HMCN1: variants seen among roughly 807,000 people sequenced by gnomAD.
The protein encoded by HMCN1 is hemicentin-1.
In HMCN1, 321 loss-of-function variants were observed where a neutral mutation model predicts 625.9. That is an observed-to-expected ratio of 0.51 (90% confidence interval 0.47 to 0.56). The LOEUF (loss-of-function observed/expected upper bound fraction) is 0.56. Among genes scored for constraint, HMCN1 ranks in the 20% least tolerant of loss-of-function variants. The pLI, the probability that HMCN1 is intolerant of heterozygous loss-of-function variation, is 0.00. For missense variants in HMCN1, 6,588 were observed against 6,887.3 expected (o/e 0.96, Z 1.54); for synonymous variants, 2,425 against 2,417.6 (o/e 1.00, Z -0.09).
At chr1:186,040,960 C>G in intron 39 of HMCN1, 53 bp from the exon 40 acceptor site, 1 of 1,593,512 alleles carries the variant, frequency 6.3e-7, no homozygotes, top group Non-Finnish European at 8.6e-7. Flanking sequence ...AAATCTATTA[C>G]ACCTACCATT....
chr1:185,970,871 G>C (rs1650769121), intron 15 of HMCN1, among the ~76,000 whole-genome samples: 1 of 151,948 alleles, frequency 6.6e-6, no homozygotes, highest in Admixed American at 6.6e-5. Flanking sequence ...TGTTGGCCAG[G>C]CTGGTCTTGA....
rs144565377 is a variant in HMCN1, at chr1:185,917,163, A to G, written c.901-5216A>G. Among the ~76,000 whole-genome samples the G allele has an allele frequency of 2.7e-4, 41 of 152,304 alleles. 2 individuals are homozygous for G. Among genetic ancestry groups the G allele is most frequent in the African/African-American group, 9.6e-4 (40 of 41,564 alleles). On this transcript the variant is annotated intron_variant, in intron 6 of 106. Coordinates refer to ENST00000271588, the MANE Select transcript of HMCN1 (RefSeq NM_031935.3). ...GGAATATTTACACCACAGAAATTGA[A>G]AAATGCCAAAAATTAGGGTTTTTTT...
At position 186,182,292 on chromosome 1, in the gene HMCN1, G is replaced by C; in HGVS notation, c.16414+5G>C. 2 of 1,613,178 alleles carry C rather than the reference G, an allele frequency of 1.2e-6. No homozygotes were observed. The highest frequency in any genetic ancestry group is 1.7e-6 in the Non-Finnish European group (2 of 1,179,314). ...ACAATGGAAAGACATGCCAAGGTGA[G>C]AAAACATTGGGATGTTTATTGTTGC... On this transcript the variant is annotated splice_donor_5th_base_variant and intron_variant, in intron 105 of 106. Transcript: ENST00000271588.
At chr1:186,041,815 G>A (rs1261630259) in intron 40 of HMCN1, among the ~76,000 whole-genome samples, 2 of 152,032 alleles carry the variant, frequency 1.3e-5, no homozygotes, top group Non-Finnish European at 2.9e-5. Context: ...TTAGTTCTTG[G>A]AATAATTAAA....
chr1:185,926,186 A>T (rs1438673756), intron 9 of HMCN1, among the ~76,000 whole-genome samples: 1 of 152,232 alleles, frequency 6.6e-6, no homozygotes, highest in Non-Finnish European at 1.5e-5. Flanking sequence ...TTATTGTTTT[A>T]TCAGACTTTT....
chr1:185,790,384 C>T (rs1657907904), intron 1 of HMCN1, among the ~76,000 whole-genome samples: 1 of 152,170 alleles, frequency 6.6e-6, no homozygotes, highest in South Asian at 2.1e-4. Flanking sequence ...TGTGATGCTA[C>T]CACTGCTCTG....
rs780702480 is a variant in HMCN1, at chr1:186,088,175, A to C, written c.9476A>C (p.Glu3159Ala). 1.7e-5 allele frequency: 28 copies of C among 1,611,574 alleles called. No homozygotes were observed. The highest frequency in any genetic ancestry group is 2.4e-5 in the Non-Finnish European group (28 of 1,178,668). Residue 3159 changes from glutamate (E) to alanine (A), a missense_variant, in exon 62 of 107, where the codon GAA becomes GCA. Glu to Ala is a moderately radical substitution (Grantham distance 107). Coordinates refer to ENST00000271588, the MANE Select transcript of HMCN1 (RefSeq NM_031935.3). ...CCCAGTATTGAAGGACCTGAAAGAG[A>C]AGTGATTGTGGAGACGATCAGCAAT... ...VPPSIEGPER[E>A]VIVETISNPV... is the part of the protein sequence containing the mutation.
chr1:185,851,784 A>G (rs2102330070), intron 2 of HMCN1, among the ~76,000 whole-genome samples: 1 of 152,090 alleles, frequency 6.6e-6, no homozygotes, highest in South Asian at 2.1e-4. Context: ...TATTAGTCAA[A>G]CATTCAAAGT....
At chr1:185,908,409 G>T (rs537251911) in intron 4 of HMCN1, among the ~76,000 whole-genome samples, 1 of 151,980 alleles carries the variant, frequency 6.6e-6, no homozygotes, top group African/African-American at 2.4e-5. Flanking sequence ...CATTACAAAA[G>T]AAAATTTTCA....
At chr1:186,084,594 C>T (rs950431911) in intron 57 of HMCN1, among the ~76,000 whole-genome samples, 2 of 152,048 alleles carry the variant, frequency 1.3e-5, no homozygotes, top group Admixed American at 6.6e-5. Flanking sequence ...AGTCTGTTGG[C>T]ATCTTAGGTT....
intron 1 of HMCN1, among the ~76,000 whole-genome samples, chr1:185,795,074 GA>G (rs1456099986): frequency 6.6e-6 from 1 of 152,164 alleles, no homozygotes; most frequent in Non-Finnish European, 1.5e-5. Context: ...GCATTAAGAA[GA>G]AGTAAGAGTA....
At chr1:186,089,436 T>C (rs1449311840) in intron 63 of HMCN1, among the ~76,000 whole-genome samples, 1 of 152,010 alleles carries the variant, frequency 6.6e-6, no homozygotes, top group African/African-American at 2.4e-5. Flanking sequence ...CTATGAATAT[T>C]ACGTATCTGT....
At chr1:185,787,798 T>C (rs1474735446) in intron 1 of HMCN1, among the ~76,000 whole-genome samples, 2 of 152,226 alleles carry the variant, frequency 1.3e-5, no homozygotes, top group Non-Finnish European at 2.9e-5. Flanking sequence ...ATTTTTATGA[T>C]ACATTTTTTC....
At chr1:186,063,103 T>TATATGTA (rs1657859128) in intron 48 of HMCN1, among the ~76,000 whole-genome samples, 1 of 130,056 alleles carries the variant, frequency 7.7e-6, no homozygotes, top group African/African-American at 2.9e-5. Context: ...TATATATATA[T>TATATGTA]CACATTTTCA....
chr1:186,001,414 A>G lies in HMCN1; in HGVS notation c.4186A>G (p.Lys1396Glu). The stretch of plus-strand genomic sequence containing the variant: ...TCCATCTCCCATCATTATGTGGTAT[A>G]AAGATAATGTCCAGGTAAATAGAGT... ...GTPSPIIMWY[K>E]DNVQVTESST... Residue 1396 changes from lysine (K) to glutamate (E), a missense_variant, in exon 27 of 107, where the codon AAA becomes GAA. By Grantham distance (56) the Lys-to-Glu change is moderately conservative (BLOSUM62 1). This residue lies in a region of HMCN1 where 4,628 missense variants were observed against 4,853.1 expected (regional missense o/e 0.95). Coordinates refer to ENST00000271588, the MANE Select transcript of HMCN1 (RefSeq NM_031935.3). 6.2e-7 allele frequency: 1 copy of G among 1,612,580 alleles called. No homozygotes were observed. The highest frequency in any genetic ancestry group is 8.5e-7 in the Non-Finnish European group (1 of 1,178,870).
intron 60 of HMCN1, 78 bp downstream of exon 60, chr1:186,087,723 C>T: frequency 1.5e-6 from 2 of 1,347,342 alleles, no homozygotes; most frequent in Non-Finnish European, 2.1e-6. Flanking sequence ...TTGCATATTC[C>T]CTTTTACTAC....
At chr1:185,981,331 C>T (rs531525348) in intron 17 of HMCN1, among the ~76,000 whole-genome samples, 4,638 of 152,004 alleles carry the variant, frequency 0.031, 242 homozygotes, top group African/African-American at 0.11. Flanking sequence ...CACATGCACA[C>T]ACACACACAC....
chr1:185,931,234 A>G (rs1376256483), intron 10 of HMCN1, among the ~76,000 whole-genome samples: 1 of 152,078 alleles, frequency 6.6e-6, no homozygotes. Flanking sequence ...TATGCTTGTC[A>G]TCTTTCCTCC....
intron 85 of HMCN1, among the ~76,000 whole-genome samples, 162 bp downstream of exon 85, chr1:186,130,859 T>C (rs574245098): frequency 6.6e-6 from 1 of 152,320 alleles, no homozygotes; most frequent in African/African-American, 2.4e-5. Flanking sequence ...TTGAAATAGA[T>C]ATTTTAGCCC....
Sources: allele counts gnomAD v4.1 joint callset (sites outside exome capture counted in the v4.1 genomes callset), GRCh38; gene constraint gnomAD v4.1.1; regional missense constraint gnomAD v4.1.1; transcripts MANE v1.5; gene names NCBI Gene and HGNC (gene_info 2026-07-23, HGNC 2026-07-21).